The following SPIRE1 variants were observed in gnomAD, a reference collection of about 807,000 sequenced individuals.
SPIRE1 encodes spire type actin nucleation factor 1.
Under a neutral mutation model 94.1 loss-of-function variants are expected in SPIRE1, and 40 were observed. That is an observed-to-expected ratio of 0.43 (90% CI 0.33 to 0.55). SPIRE1 has a LOEUF of 0.55. Ranked by LOEUF, SPIRE1 falls within the 20% of genes least tolerant of loss-of-function variation. The probability of loss-of-function intolerance (pLI) is 0.06; values close to 1 mark genes in which losing one functional copy is unlikely to be tolerated. For missense variants in SPIRE1, 838 were observed against 975.2 expected (o/e 0.86, Z 1.87); for synonymous variants, 376 against 371.7 (o/e 1.01, Z -0.13).
At chr18:12,480,480 A>G (rs2032797858) in intron 9 of SPIRE1, among the ~76,000 whole-genome samples, 2 of 152,204 alleles carry the variant, frequency 1.3e-5, no homozygotes, top group East Asian at 3.8e-4. Flanking sequence ...CTCTACTGCT[A>G]TCTAATCTCC....
At chr18:12,571,313 G>C (rs780297500) in intron 2 of SPIRE1, among the ~76,000 whole-genome samples, 1 of 152,094 alleles carries the variant, frequency 6.6e-6, no homozygotes, top group Non-Finnish European at 1.5e-5. Context: ...GACCTCAAGT[G>C]ATCCGCCCAC....
intron 1 of SPIRE1, among the ~76,000 whole-genome samples, chr18:12,654,814 G>T (rs2038490152): frequency 6.6e-6 from 1 of 151,960 alleles, no homozygotes; most frequent in South Asian, 2.1e-4. Context: ...CGGATCATGA[G>T]GTCAAGAGAT....
chr18:12,523,349 C>T (rs1463625576), intron 4 of SPIRE1, among the ~76,000 whole-genome samples: 2 of 152,186 alleles, frequency 1.3e-5, no homozygotes, highest in Non-Finnish European at 2.9e-5. Flanking sequence ...ATGGAATCAA[C>T]TCCTGGTGAT....
At chr18:12,482,203 C>T (rs190362864) in intron 9 of SPIRE1, among the ~76,000 whole-genome samples, 3 of 152,274 alleles carry the variant, frequency 2.0e-5, no homozygotes, top group African/African-American at 4.8e-5. Flanking sequence ...AGTGCAGTGG[C>T]GCGATCTCAG....
At chr18:12,461,515 T>TAC (rs1169772632) in intron 12 of SPIRE1, among the ~76,000 whole-genome samples, 2 of 129,636 alleles carry the variant, frequency 1.5e-5, no homozygotes, top group Non-Finnish European at 3.4e-5. Flanking sequence ...TGTACGTACA[T>TAC]ACATATGTGT....
chr18:12,547,933 A>AAACAAACAAC (rs775189094), intron 2 of SPIRE1, among the ~76,000 whole-genome samples: 1 of 152,130 alleles, frequency 6.6e-6, no homozygotes, highest in East Asian at 1.9e-4. Context: ...ACAAACAAAC[A>AAACAAACAAC]AACAACAACA....
At chr18:12,609,661 C>T (rs562996586) in intron 2 of SPIRE1, among the ~76,000 whole-genome samples, 2 of 152,280 alleles carry the variant, frequency 1.3e-5, no homozygotes, top group East Asian at 3.9e-4. Context: ...CCTTACTCTC[C>T]AGCATCCAAA....
intron 9 of SPIRE1, among the ~76,000 whole-genome samples, chr18:12,484,312 T>C (rs914064367): frequency 1.3e-5 from 2 of 152,226 alleles, no homozygotes; most frequent in African/African-American, 4.8e-5. Flanking sequence ...ATTACTATGT[T>C]CCTGTGTTTA....
chr18:12,559,940 AAT>A lies in SPIRE1; in HGVS notation c.373-13038_373-13037del, dbSNP rs2035635601. 6.6e-6 allele frequency among the ~76,000 whole-genome samples: 1 copy of A among 152,244 alleles called. No homozygotes were observed. The highest frequency in any genetic ancestry group is 1.5e-5 in the Non-Finnish European group (1 of 68,044). ...TGATTAAAAATGGGCAAAAGATCCG[AAT>A]AGACATTTCTCAAAGTAAGAATTAG... On this transcript the variant is annotated intron_variant, in intron 2 of 16. Transcript: ENST00000409402. The surrounding 1 kb of genome is among the most constrained non-coding windows in gnomAD (Gnocchi z 4.7).
rs2037765652 is a variant in SPIRE1, at chr18:12,631,261, A to G, written c.372+3801T>C. ...ATAATCTATCAATATTTACTGTATT[A>G]GAAATTAAAACCAAGGAATGTTTAA... On this transcript the variant is annotated intron_variant, in intron 2 of 16. Coordinates refer to ENST00000409402, the MANE Select transcript of SPIRE1 (RefSeq NM_001128626.2). Among the ~76,000 whole-genome samples the G allele has an allele frequency of 2.0e-5, 3 of 152,284 alleles. No individual in the cohort carries two copies. The South Asian group carries it at 6.2e-4, about 32-fold the overall frequency.
intron 4 of SPIRE1, among the ~76,000 whole-genome samples, chr18:12,521,075 A>G (rs1233389220): frequency 6.6e-6 from 1 of 152,212 alleles, no homozygotes; most frequent in Admixed American, 6.5e-5. Flanking sequence ...ATGTGGCTAT[A>G]AGATTTTAAA....
chr18:12,457,875 C>T (rs1427107823), intron 12 of SPIRE1, among the ~76,000 whole-genome samples: 2 of 144,340 alleles, frequency 1.4e-5, no homozygotes, highest in African/African-American at 2.6e-5. Context: ...GATGGAGTCT[C>T]GCTCTTTCGC....
At chr18:12,587,914 CAATT>C (rs1158931394) in intron 2 of SPIRE1, among the ~76,000 whole-genome samples, 1 of 152,078 alleles carries the variant, frequency 6.6e-6, no homozygotes, top group African/African-American at 2.4e-5. Flanking sequence ...TTCATGATCA[CAATT>C]AATTTTAGAT....
chr18:12,623,780 C>T (rs1001606383), intron 2 of SPIRE1, among the ~76,000 whole-genome samples: 8 of 152,126 alleles, frequency 5.3e-5, no homozygotes, highest in African/African-American at 1.7e-4. Context: ...AGGCAACCAC[C>T]ACCATGCTCA....
chr18:12,530,360 C>G (rs575326533), intron 4 of SPIRE1, among the ~76,000 whole-genome samples: 4 of 152,220 alleles, frequency 2.6e-5, no homozygotes, highest in African/African-American at 9.6e-5. Flanking sequence ...CATGTCTTGC[C>G]TCCTCCCCGA....
Position 12,657,908 on chromosome 18 carries a change from G to C in SPIRE1, c.-42C>G, listed in dbSNP as rs991938916. On this transcript the variant is annotated 5_prime_UTR_variant, in exon 1 of 17. Transcript: ENST00000409402. ...GCGCTCGGCAGTCGCGCCGTGTGCC[G>C]GCGTCTCCTCAGCTCCGGAGCATCG... 14 of 1,027,808 alleles carry C rather than the reference G, an allele frequency of 1.4e-5. No individual in the cohort carries two copies. In the African/African-American group the frequency reaches 2.1e-4, roughly 15 times the overall value. 63.7% of individuals were successfully genotyped at this position (1,027,808 alleles called of 1,614,324 possible).
intron 2 of SPIRE1, among the ~76,000 whole-genome samples, chr18:12,557,852 A>G (rs1436751963): frequency 6.6e-6 from 1 of 152,206 alleles, no homozygotes; most frequent in Non-Finnish European, 1.5e-5. Flanking sequence ...TAGAGCCCTC[A>G]GAAATAGATC....
chr18:12,580,851 T>A (rs1293525420), intron 2 of SPIRE1, among the ~76,000 whole-genome samples: 1 of 152,132 alleles, frequency 6.6e-6, no homozygotes, highest in Non-Finnish European at 1.5e-5. Flanking sequence ...GACAAACGCT[T>A]TCTTCAGTTG....
chr18:12,607,528 A>AC (rs1331922781), intron 2 of SPIRE1, among the ~76,000 whole-genome samples: 1 of 152,008 alleles, frequency 6.6e-6, no homozygotes, highest in Non-Finnish European at 1.5e-5. Flanking sequence ...ACAGTTACAC[A>AC]GTCATTCATG....
Sources: gnomAD v4.1 joint callset for allele counts (sites outside exome capture counted in the v4.1 genomes callset) on GRCh38, gnomAD v4.1.1 for gene constraint, Gnocchi (gnomAD v3.1) non-coding constraint, MANE v1.5 for transcripts, NCBI Gene and HGNC (gene_info 2026-07-23, HGNC 2026-07-21) for gene names.